PLRG1: variants seen among roughly 807,000 people sequenced by gnomAD.
PLRG1 encodes the protein pleiotropic regulator 1, also known as pleiotropic regulator 1 (PRL1 homolog, Arabidopsis).
PLRG1 carries 28 observed loss-of-function variants against 74.9 expected under a neutral mutation model. The observed-to-expected ratio is 0.37, with a 90% CI of 0.28 to 0.51. PLRG1 has a LOEUF of 0.51. Ranked by LOEUF, PLRG1 falls within the 20% of genes least tolerant of loss-of-function variation. The pLI, the probability that PLRG1 is intolerant of heterozygous loss-of-function variation, is 0.91. For missense variants in PLRG1, 445 were observed against 631.9 expected (o/e 0.70, Z 3.17); for synonymous variants, 197 against 212.4 (o/e 0.93, Z 0.63).
intron 7 of PLRG1, among the ~76,000 whole-genome samples, chr4:154,543,617 T>C (rs1291496089): frequency 1.3e-5 from 2 of 152,196 alleles, no homozygotes; most frequent in African/African-American, 4.8e-5. Context: ...AAGGAAAGTG[T>C]AACTACAAAC....
Position 154,547,724 on chromosome 4 carries a change from G to A in PLRG1, c.246C>T (p.Tyr82=). Residue 82 remains tyrosine, a synonymous_variant, in exon 3 of 15, where the codon TAC becomes TAT. Transcript: ENST00000499023. Reference sequence around the variant, plus strand: ...TACCATACTCACCTTGATTGGCAGGGTACTGTTTATGAACATATGAATCCG... The same window carrying A: ...TACCATACTCACCTTGATTGGCAGGATACTGTTTATGAACATATGAATCCG... ...NATDSYVHKQ[Y]PANQGQEVEY... 6.2e-7 allele frequency: 1 copy of A among 1,612,238 alleles called. No individual in the cohort carries two copies. Among genetic ancestry groups the A allele is most frequent in the Non-Finnish European group, 8.5e-7 (1 of 1,178,750 alleles).
intron 7 of PLRG1, among the ~76,000 whole-genome samples, chr4:154,543,138 C>A (rs1002836268): frequency 6.6e-6 from 1 of 152,124 alleles, no homozygotes; most frequent in Non-Finnish European, 1.5e-5. Flanking sequence ...TCATTACACA[C>A]TGTATGTTTT....
At chr4:154,541,949 A>C (rs1729562391) in intron 8 of PLRG1, 3 of 464,418 alleles carry the variant, frequency 6.5e-6, no homozygotes, top group African/African-American at 3.9e-5. Flanking sequence ...GAACAATGTA[A>C]GTATAAAGGA....
chr4:154,540,165 T>C (rs1729529743), intron 10 of PLRG1, 112 bp from the exon 11 acceptor site: 1 of 664,118 alleles, frequency 1.5e-6, no homozygotes, highest in African/African-American at 1.8e-5. Flanking sequence ...TGCCTGAATA[T>C]AATAAAGAAA....
At chr4:154,543,074 A>G (rs1447587687) in intron 7 of PLRG1, among the ~76,000 whole-genome samples, 4 of 152,226 alleles carry the variant, frequency 2.6e-5, no homozygotes, top group Non-Finnish European at 4.4e-5. Context: ...CTAGAAGAGT[A>G]AAATTGGAAT....
chr4:154,545,017 T>G (rs1056176091), intron 6 of PLRG1, among the ~76,000 whole-genome samples: 5 of 152,200 alleles, frequency 3.3e-5, no homozygotes, highest in Non-Finnish European at 5.9e-5. Flanking sequence ...CTTCTATTTA[T>G]CTTCTAATAC....
chr4:154,537,357 G>C lies in PLRG1; in HGVS notation c.1414C>G (p.Gln472Glu). The C allele has an allele frequency of 6.2e-7, 1 of 1,613,178 alleles. No individual in the cohort carries two copies. The highest frequency in any genetic ancestry group is 8.5e-7 in the Non-Finnish European group (1 of 1,179,360). Residue 472 changes from glutamine (Q) to glutamate (E), a missense_variant, in exon 14 of 15, where the codon CAG becomes GAG. This residue lies in a region of PLRG1 where 221 missense variants were observed against 377.7 expected (regional missense o/e 0.59). Coordinates refer to ENST00000499023, the MANE Select transcript of PLRG1 (RefSeq NM_002669.4). ...ESGIFACAFD[Q>E]SESRLLTAEA... Reference sequence around the variant, plus strand: ...GCTGTTAGTAATCGACTTTCAGACTGATCAAAAGCACAAGCAAATATTCCT... The same window carrying C: ...GCTGTTAGTAATCGACTTTCAGACTCATCAAAAGCACAAGCAAATATTCCT...
intron 1 of PLRG1, chr4:154,549,686 G>C (rs148333595): frequency 0.017 from 7,753 of 456,264 alleles, 190 homozygotes; most frequent in South Asian, 0.065. Context: ...ACAACTTATA[G>C]AACAAAATGG....
chr4:154,547,918 G>T, intron 2 of PLRG1, 65 bp from the exon 3 acceptor site: 1 of 1,244,048 alleles, frequency 8.0e-7, no homozygotes, highest in Non-Finnish European at 1.1e-6. Context: ...CTTAGCTTAA[G>T]TTTGCCCATT....
intron 12 of PLRG1, among the ~76,000 whole-genome samples, chr4:154,538,834 T>C (rs1280874463): frequency 2.0e-5 from 3 of 152,182 alleles, no homozygotes; most frequent in African/African-American, 4.8e-5. Context: ...TAATATCTTT[T>C]ATTTTGACAT....
intron 7 of PLRG1, among the ~76,000 whole-genome samples, chr4:154,543,066 A>C (rs1729582995): frequency 6.6e-6 from 1 of 152,226 alleles, no homozygotes; most frequent in Non-Finnish European, 1.5e-5. Context: ...CAAAATAACT[A>C]GAAGAGTAAA....
intron 4 of PLRG1, 85 bp downstream of exon 4, chr4:154,546,926 G>A: frequency 2.0e-6 from 2 of 1,008,654 alleles, no homozygotes; most frequent in Non-Finnish European, 3.2e-6. Flanking sequence ...GCATTTTATA[G>A]GCAACAAGAA....
intron 4 of PLRG1, 158 bp downstream of exon 4, chr4:154,546,853 C>CAT (rs1344091621): frequency 1.6e-6 from 1 of 641,386 alleles, no homozygotes; most frequent in Non-Finnish European, 2.8e-6. Flanking sequence ...TGAATGAAGG[C>CAT]ATATGAGTAT....
intron 4 of PLRG1, 189 bp from the exon 5 acceptor site, chr4:154,546,402 G>A (rs562777356): frequency 1.8e-5 from 10 of 561,810 alleles, no homozygotes; most frequent in Admixed American, 6.8e-5. Flanking sequence ...TTAATAACAC[G>A]TAACTCAAAT....
chr4:154,541,622 T>C (rs970990635), intron 8 of PLRG1, among the ~76,000 whole-genome samples: 5 of 152,172 alleles, frequency 3.3e-5, no homozygotes, highest in African/African-American at 9.6e-5. Flanking sequence ...TTACAGACTA[T>C]CTAAATGATA....
At chr4:154,546,727 T>C (rs1729662600) in intron 4 of PLRG1, 1 of 455,088 alleles carries the variant, frequency 2.2e-6, no homozygotes, top group Non-Finnish European at 4.0e-6. Context: ...AGCTTAGTGA[T>C]ATTTACATGT....
chr4:154,542,671 T>C (rs1386415997), intron 7 of PLRG1, among the ~76,000 whole-genome samples: 3 of 152,180 alleles, frequency 2.0e-5, no homozygotes, highest in Non-Finnish European at 4.4e-5. Flanking sequence ...TAAAATGTGG[T>C]ACATACACAC....
At position 154,536,262 on chromosome 4, in the gene PLRG1, T is replaced by C. The variant is rs1208858732; in HGVS notation, c.*423A>G. On this transcript the variant is annotated 3_prime_UTR_variant, in exon 15 of 15. Transcript: ENST00000499023. ...GTTTTTGGAATAAACATACATAAATTAAGACTTCAAATCTTTTAATCTCAA... is the reference window on the plus strand; with the variant it reads ...GTTTTTGGAATAAACATACATAAATCAAGACTTCAAATCTTTTAATCTCAA... 6.1e-6 allele frequency: 1 copy of C among 164,452 alleles called. No homozygotes were observed. The highest frequency in any genetic ancestry group is 2.4e-5 in the African/African-American group (1 of 41,514). 10.2% of individuals were successfully genotyped at this position (164,452 alleles called of 1,614,324 possible).
At chr4:154,542,359 T>C (rs1729569813) in intron 7 of PLRG1, 80 bp from the exon 8 acceptor site, 9 of 785,896 alleles carry the variant, frequency 1.1e-5, no homozygotes, top group Non-Finnish European at 6.8e-6. Flanking sequence ...CGAGTTTGAA[T>C]TGCCCTCCCA....
Sources: gnomAD v4.1 joint callset for allele counts (sites outside exome capture counted in the v4.1 genomes callset) on GRCh38, gnomAD v4.1.1 for gene constraint, gnomAD v4.1.1 regional missense constraint, MANE v1.5 for transcripts, NCBI Gene and HGNC (gene_info 2026-07-23, HGNC 2026-07-21) for gene names.